The following PPP4R3B variants were observed in gnomAD, a reference collection of about 807,000 sequenced individuals.
The protein encoded by PPP4R3B is serine/threonine-protein phosphatase 4 regulatory subunit 3B.
In PPP4R3B, 52 loss-of-function variants were observed where a neutral mutation model predicts 95.4. That is an observed-to-expected ratio of 0.54 (90% CI 0.44 to 0.69). The LOEUF (loss-of-function observed/expected upper bound fraction) is 0.69. PPP4R3B is among the 30% of genes least tolerant of loss of function. The probability of loss-of-function intolerance (pLI) is 0.00; values close to 1 mark genes in which losing one functional copy is unlikely to be tolerated. For missense variants in PPP4R3B, 1,003 were observed against 1,005.9 expected (o/e 1.00, Z 0.04); for synonymous variants, 407 against 343.9 (o/e 1.18, Z -2.03).
intron 3 of PPP4R3B, among the ~76,000 whole-genome samples, chr2:55,600,229 C>T (rs1229190581): frequency 6.6e-6 from 1 of 152,000 alleles, no homozygotes. Flanking sequence ...GAGTTCAAGA[C>T]CAGCCTGACC....
intron 4 of PPP4R3B, 28 bp downstream of exon 4, chr2:55,598,388 G>A (rs1398330570): frequency 3.1e-6 from 5 of 1,594,592 alleles, no homozygotes; most frequent in Non-Finnish European, 4.3e-6. Context: ...CTGAAAAATG[G>A]AATCGTGAAG....
intron 12 of PPP4R3B, among the ~76,000 whole-genome samples, chr2:55,569,483 A>C (rs1687718163): frequency 6.6e-6 from 1 of 152,142 alleles, no homozygotes; most frequent in South Asian, 2.1e-4. Context: ...TCCATCCTGT[A>C]CACCTGGCTC....
chr2:55,581,518 C>T (rs1689437793), intron 8 of PPP4R3B, 49 bp downstream of exon 8: 1 of 1,576,388 alleles, frequency 6.3e-7, no homozygotes, highest in Admixed American at 1.8e-5. Context: ...TACAAAGCCA[C>T]CTAAAACTGA....
intron 12 of PPP4R3B, among the ~76,000 whole-genome samples, chr2:55,568,935 C>T (rs1205318635): frequency 1.3e-5 from 2 of 151,618 alleles, no homozygotes; most frequent in African/African-American, 2.4e-5. Flanking sequence ...ACCCAGGTGC[C>T]GAGGCAAGAG....
In PPP4R3B at chr2:55,598,866, G is replaced by T; in HGVS notation, c.471C>A (p.Ile157=). Residue 157 remains isoleucine, a synonymous_variant, in exon 4 of 17, where the codon ATC becomes ATA. Coordinates refer to ENST00000616407, the MANE Select transcript of PPP4R3B (RefSeq NM_001122964.3). The part of the protein sequence containing the change: ...DLVTSVLSSP[I]RREKLALALE... ...AGGCGAGAGCCAGCTTTTCCCTACG[G>T]ATAGGTGAGGAGAGCACTGAGGTAA... 1 of 1,614,184 alleles carries T rather than the reference G, an allele frequency of 6.2e-7. No individual in the cohort carries two copies. The highest frequency in any genetic ancestry group is 1.1e-5 in the South Asian group (1 of 91,086).
At chr2:55,556,026 A>C (rs1685806778) in intron 16 of PPP4R3B, among the ~76,000 whole-genome samples, 1 of 152,254 alleles carries the variant, frequency 6.6e-6, no homozygotes, top group Non-Finnish European at 1.5e-5. Context: ...ATTCATTAGT[A>C]GCTAATGTCT....
intron 6 of PPP4R3B, among the ~76,000 whole-genome samples, chr2:55,585,958 C>A (rs1690077919): frequency 6.6e-6 from 1 of 151,742 alleles, no homozygotes; most frequent in Non-Finnish European, 1.5e-5. Flanking sequence ...ATGATATCAC[C>A]ACAAATTAAA....
At chr2:55,565,284 G>C (rs1310556094) in intron 13 of PPP4R3B, among the ~76,000 whole-genome samples, 1 of 147,056 alleles carries the variant, frequency 6.8e-6, no homozygotes, top group Admixed American at 6.8e-5. Context: ...AAAGTAAATA[G>C]ATTTATTTTA....
chr2:55,597,707 A>G (rs1467433264), intron 4 of PPP4R3B, among the ~76,000 whole-genome samples: 1 of 152,186 alleles, frequency 6.6e-6, no homozygotes, highest in African/African-American at 2.4e-5. Context: ...AGGCTGAGAC[A>G]GGAGAATCAC....
rs1010618344 is a variant in PPP4R3B, at chr2:55,549,823, T to C, written c.*88A>G. The stretch of plus-strand genomic sequence containing the variant: ...CTCCTTGTATATTTTATAAGTTCAA[T>C]TGAGAAAGCTTTCTGATTCAGATTT... On this transcript the variant is annotated 3_prime_UTR_variant, in exon 17 of 17. Coordinates refer to ENST00000616407, the MANE Select transcript of PPP4R3B (RefSeq NM_001122964.3). The C allele has an allele frequency of 2.2e-5, 22 of 991,050 alleles. No individual in the cohort carries two copies. The highest frequency in any genetic ancestry group is 1.3e-4 in the South Asian group (10 of 76,450). The allele number at this position is 991,050 out of a possible 1,614,324, so 61.4% of individuals were successfully genotyped here. A position where few individuals can be genotyped will look rare whatever the true frequency, so the allele number is the denominator to read the frequency against.
intron 4 of PPP4R3B, among the ~76,000 whole-genome samples, chr2:55,590,735 A>G (rs1348876935): frequency 1.3e-5 from 2 of 152,218 alleles, no homozygotes; most frequent in African/African-American, 4.8e-5. Context: ...TGTAGAGTTG[A>G]TAGTAAAATA....
In PPP4R3B at chr2:55,585,152, G is replaced by A; in HGVS notation, c.1132C>T (p.Gln378Ter). The A allele has an allele frequency of 6.2e-7, 1 of 1,606,606 alleles. No individual in the cohort carries two copies. Among genetic ancestry groups the A allele is most frequent in the Non-Finnish European group, 8.5e-7 (1 of 1,177,120 alleles). The change falls in exon 7 of 17, where the codon CAA becomes TAA. Residue 378 changes from glutamine (Q) to a stop codon, truncating the protein, a stop_gained. Coordinates refer to ENST00000616407, the MANE Select transcript of PPP4R3B (RefSeq NM_001122964.3). LOFTEE classifies it high-confidence loss of function. ...LEIVMGMDDL[Q>*]VRSAATDIFS... The stretch of plus-strand genomic sequence containing the variant: ...ATATCTGTAGCAGCTGATCTGACTT[G>A]CAAATCATCCATGCCCTGATAAAAG...
At chr2:55,559,192 C>G (rs1158653974) in intron 15 of PPP4R3B, among the ~76,000 whole-genome samples, 1 of 151,770 alleles carries the variant, frequency 6.6e-6, no homozygotes, top group African/African-American at 2.4e-5. Flanking sequence ...GCTAAAAATA[C>G]AAAATTAGCC....
At chr2:55,559,781 C>T (rs557707915) in intron 15 of PPP4R3B, among the ~76,000 whole-genome samples, 2 of 152,214 alleles carry the variant, frequency 1.3e-5, no homozygotes, top group East Asian at 1.9e-4. Flanking sequence ...AGTGTGAAAA[C>T]GAACTATACA....
intron 15 of PPP4R3B, among the ~76,000 whole-genome samples, chr2:55,559,908 G>A (rs768993269): frequency 4.6e-5 from 7 of 152,028 alleles, no homozygotes; most frequent in Admixed American, 2.6e-4. Context: ...GATCACTTGA[G>A]GTCAGGAGTT....
chr2:55,607,640 G>C (rs1249928351), intron 2 of PPP4R3B, among the ~76,000 whole-genome samples: 1 of 152,168 alleles, frequency 6.6e-6, no homozygotes, highest in East Asian at 1.9e-4. Context: ...TCCAAACCCA[G>C]TCCTAATGGG....
chr2:55,587,558 T>C (rs1031043602), intron 5 of PPP4R3B, among the ~76,000 whole-genome samples: 6 of 152,222 alleles, frequency 3.9e-5, no homozygotes, highest in Non-Finnish European at 8.8e-5. Flanking sequence ...CACTCCAGTC[T>C]GGGCAACAGA....
chr2:55,592,330 A>C (rs1691147826), intron 4 of PPP4R3B, among the ~76,000 whole-genome samples: 1 of 152,148 alleles, frequency 6.6e-6, no homozygotes, highest in Non-Finnish European at 1.5e-5. Context: ...GGTTTTTGTC[A>C]CTCCTACTAA....
At chr2:55,608,561 G>A (rs891527948) in intron 2 of PPP4R3B, among the ~76,000 whole-genome samples, 5 of 152,024 alleles carry the variant, frequency 3.3e-5, no homozygotes, top group African/African-American at 1.2e-4. Context: ...ATTATCTTTT[G>A]CTTGGACTAT....
Sources: allele counts gnomAD v4.1 joint callset (sites outside exome capture counted in the v4.1 genomes callset), GRCh38; gene constraint gnomAD v4.1.1; transcripts MANE v1.5; gene names NCBI Gene and HGNC (gene_info 2026-07-23, HGNC 2026-07-21).